The following PAPSS1 variants were observed in gnomAD, a reference collection of about 807,000 sequenced individuals.
The protein encoded by PAPSS1 is 3'-phosphoadenosine 5'-phosphosulfate synthase 1.
PAPSS1 carries 50 observed loss-of-function variants against 72.0 expected under a neutral mutation model. That is an observed-to-expected ratio of 0.69 (90% confidence interval 0.55 to 0.88). The LOEUF (loss-of-function observed/expected upper bound fraction) is 0.88. Among genes scored for constraint, PAPSS1 ranks in the 40% least tolerant of loss-of-function variants. PAPSS1 has a pLI of 0.00. For synonymous variants in PAPSS1, 261 were observed against 263.6 expected (o/e 0.99, Z 0.09); for missense variants, 657 against 782.2 (o/e 0.84, Z 1.91).
At chr4:107,712,907 A>G (rs1049343247) in intron 1 of PAPSS1, among the ~76,000 whole-genome samples, 1 of 150,552 alleles carries the variant, frequency 6.6e-6, no homozygotes, top group Admixed American at 6.6e-5. Flanking sequence ...GTTATTATCC[A>G]TACAATGGGA....
chr4:107,631,990 T>A, intron 10 of PAPSS1, 130 bp from the exon 11 acceptor site: 1 of 661,912 alleles, frequency 1.5e-6, no homozygotes, highest in Non-Finnish European at 2.5e-6. Flanking sequence ...AATTTAGATG[T>A]ATCATCCTGG....
intron 5 of PAPSS1, among the ~76,000 whole-genome samples, chr4:107,660,505 A>G (rs1473595884): frequency 6.6e-6 from 1 of 152,118 alleles, no homozygotes; most frequent in Non-Finnish European, 1.5e-5. Flanking sequence ...CCTTTTACCC[A>G]AGCAACACGG....
At chr4:107,664,950 A>T (rs1043206304) in intron 5 of PAPSS1, among the ~76,000 whole-genome samples, 3 of 152,228 alleles carry the variant, frequency 2.0e-5, no homozygotes, top group Non-Finnish European at 4.4e-5. Flanking sequence ...TTCCCTCTTC[A>T]AAATTCACAC....
At position 107,647,436 on chromosome 4, in the gene PAPSS1, T is replaced by C. The variant is rs113715564; in HGVS notation, c.1238-2366A>G. ...GGATGAAATGAGAGCCAAATTCAAATGGCACTTTCCTGATTTAAGTGGTCC... is the reference window on the plus strand; with the variant it reads ...GGATGAAATGAGAGCCAAATTCAAACGGCACTTTCCTGATTTAAGTGGTCC... On this transcript the variant is annotated intron_variant, in intron 9 of 11. Transcript: ENST00000265174. Among the ~76,000 whole-genome samples the C allele has an allele frequency of 7.3e-3, 1,115 of 152,308 alleles. 12 individuals carry two copies. Among genetic ancestry groups the C allele is most frequent in the African/African-American group, 0.024 (995 of 41,570 alleles).
chr4:107,628,475 G>A (rs564196550), intron 11 of PAPSS1, among the ~76,000 whole-genome samples: 1 of 152,248 alleles, frequency 6.6e-6, no homozygotes, highest in East Asian at 1.9e-4. Context: ...ATTCCTAAAT[G>A]GGGAACCAAC....
chr4:107,632,994 C>T lies in PAPSS1; in HGVS notation c.1507-1134G>A, dbSNP rs60866167. Reference sequence around the variant, plus strand: ...TTTAGAAAGTGCAATAGTAAGAGTGCAATTCCATACCTCACACTTGAATTG... The same window carrying T: ...TTTAGAAAGTGCAATAGTAAGAGTGTAATTCCATACCTCACACTTGAATTG... On this transcript the variant is annotated intron_variant, in intron 10 of 11. Transcript: ENST00000265174. Among the ~76,000 whole-genome samples, 602 of 152,310 alleles carry T rather than the reference C, an allele frequency of 4.0e-3. 8 individuals carry two copies. Among genetic ancestry groups the T allele is most frequent in the African/African-American group, 0.013 (549 of 41,572 alleles).
chr4:107,690,967 T>C (rs1000667708), intron 3 of PAPSS1, among the ~76,000 whole-genome samples: 3 of 152,120 alleles, frequency 2.0e-5, no homozygotes, highest in African/African-American at 7.2e-5. Context: ...TTTATGAAAA[T>C]TGTGTATATC....
At chr4:107,662,569 T>C (rs1474488879) in intron 5 of PAPSS1, among the ~76,000 whole-genome samples, 3 of 150,798 alleles carry the variant, frequency 2.0e-5, no homozygotes, top group East Asian at 1.9e-4. Context: ...ACATAGTTTA[T>C]ACATAATACC....
chr4:107,663,052 TA>T (rs1727229138), intron 5 of PAPSS1, among the ~76,000 whole-genome samples: 1 of 152,186 alleles, frequency 6.6e-6, no homozygotes, highest in South Asian at 2.1e-4. Context: ...TCTTCTATGC[TA>T]GGGGGAGAAA....
intron 2 of PAPSS1, among the ~76,000 whole-genome samples, chr4:107,699,807 T>C (rs1004718652): frequency 6.6e-6 from 1 of 152,156 alleles, no homozygotes; most frequent in African/African-American, 2.4e-5. Flanking sequence ...ACCAAATATA[T>C]ATTTTACCCA....
At position 107,687,103 on chromosome 4, in the gene PAPSS1, C is replaced by T; in HGVS notation, c.486G>A (p.Leu162=). 1 of 1,604,782 alleles carries T rather than the reference C, an allele frequency of 6.2e-7. No homozygotes were observed. The highest frequency in any genetic ancestry group is 8.5e-7 in the Non-Finnish European group (1 of 1,176,640). The change falls in exon 4 of 12, where the codon CTG becomes CTA. Residue 162 remains leucine, a synonymous_variant. Coordinates refer to ENST00000265174, the MANE Select transcript of PAPSS1 (RefSeq NM_005443.5). ...PFFEVFVDAP[L]HVCEQRDVKG... is the part of the protein sequence containing the mutation. ...TGACATCCCTCTGTTCACAAACATG[C>T]AGAGGAGCATCAACAAATACTTCAA...
rs527763250 is a variant in PAPSS1, at chr4:107,687,275, G to T, written c.412-98C>A. 4.9e-6 allele frequency: 4 copies of T among 810,430 alleles called. No individual in the cohort carries two copies. The South Asian group carries it at 1.1e-4, about 22-fold the overall frequency. 50.2% of individuals were successfully genotyped at this position (810,430 alleles called of 1,614,324 possible). A position where few individuals can be genotyped will look rare whatever the true frequency, so the allele number is the denominator to read the frequency against. ...AAAGTGCTTCTCATCCAATTTAGTG[G>T]GAAATAGACAAAATTTATGTTTTTA... On this transcript the variant is annotated intron_variant, in intron 3 of 11. Coordinates refer to ENST00000265174, the MANE Select transcript of PAPSS1 (RefSeq NM_005443.5).
chr4:107,676,535 G>C (rs938028805), intron 5 of PAPSS1, among the ~76,000 whole-genome samples: 1 of 152,080 alleles, frequency 6.6e-6, no homozygotes, highest in African/African-American at 2.4e-5. Context: ...AAATAAAAGA[G>C]GATACAAACA....
At chr4:107,647,336 G>A (rs538413298) in intron 9 of PAPSS1, among the ~76,000 whole-genome samples, 7 of 152,322 alleles carry the variant, frequency 4.6e-5, no homozygotes, top group South Asian at 4.1e-4. Flanking sequence ...AAGAATGGGC[G>A]TCTTCACCTA....
At chr4:107,679,195 C>T (rs1446850767) in intron 5 of PAPSS1, among the ~76,000 whole-genome samples, 1 of 152,040 alleles carries the variant, frequency 6.6e-6, no homozygotes, top group Non-Finnish European at 1.5e-5. Flanking sequence ...ATCACCACTT[C>T]GCAGTCATGA....
intron 10 of PAPSS1, among the ~76,000 whole-genome samples, chr4:107,633,918 CAA>C (rs765586369): frequency 2.0e-4 from 18 of 90,214 alleles, no homozygotes; most frequent in Admixed American, 4.9e-4. Flanking sequence ...GACTCCGTCT[CAA>C]AAAAAAAAAA....
chr4:107,690,221 G>A (rs962097642), intron 3 of PAPSS1, among the ~76,000 whole-genome samples: 2 of 152,112 alleles, frequency 1.3e-5, no homozygotes, highest in Non-Finnish European at 2.9e-5. Context: ...TCCTTTCTGA[G>A]CAGTGCAGAA....
At chr4:107,644,661 C>T (rs553267993) in intron 10 of PAPSS1, 141 bp downstream of exon 10, 50 of 766,614 alleles carry the variant, frequency 6.5e-5, no homozygotes, top group Middle Eastern at 7.8e-4. Flanking sequence ...ATATCCCTAA[C>T]GAGCAGGAAA....
intron 5 of PAPSS1, among the ~76,000 whole-genome samples, chr4:107,680,455 T>C (rs991817886): frequency 2.0e-5 from 3 of 152,196 alleles, no homozygotes; most frequent in Non-Finnish European, 2.9e-5. Context: ...CAGAATTCTA[T>C]GCCCAGTAAA....
Sources: allele counts gnomAD v4.1 joint callset (sites outside exome capture counted in the v4.1 genomes callset), GRCh38; gene constraint gnomAD v4.1.1; transcripts MANE v1.5; gene names NCBI Gene and HGNC (gene_info 2026-07-23, HGNC 2026-07-21).